ARHGAP20: variants seen among roughly 807,000 people sequenced by gnomAD.
ARHGAP20 encodes the protein Rho GTPase activating protein 20.
In ARHGAP20, 34 loss-of-function variants were observed where a neutral mutation model predicts 73.7. The observed-to-expected ratio is 0.46, with a 90% CI of 0.35 to 0.61. ARHGAP20 has a LOEUF of 0.61. Among genes scored for constraint, ARHGAP20 ranks in the 20% least tolerant of loss-of-function variants. The pLI is 0.00. For synonymous variants in ARHGAP20, 523 were observed against 518.2 expected (o/e 1.01, Z -0.13); for missense variants, 1,314 against 1,420.9 (o/e 0.92, Z 1.21).
chr11:110,645,085 C>G (rs1949159885), intron 2 of ARHGAP20, among the ~76,000 whole-genome samples: 1 of 152,068 alleles, frequency 6.6e-6, no homozygotes. Flanking sequence ...TCATGGCTCA[C>G]TGCAACCTCT....
chr11:110,703,590 A>G (rs1466529553), intron 1 of ARHGAP20, among the ~76,000 whole-genome samples: 1 of 151,914 alleles, frequency 6.6e-6, no homozygotes, highest in Non-Finnish European at 1.5e-5. Flanking sequence ...AATGTAACAG[A>G]CAGTAAACTT....
intron 1 of ARHGAP20, among the ~76,000 whole-genome samples, chr11:110,700,678 T>C (rs6589160): frequency 0.28 from 41,683 of 151,050 alleles, 6,124 homozygotes; most frequent in African/African-American, 0.38. Flanking sequence ...CATGCTGGTA[T>C]GCTGCACCCA....
At chr11:110,634,844 G>A (rs550051668) in intron 2 of ARHGAP20, among the ~76,000 whole-genome samples, 7 of 152,212 alleles carry the variant, frequency 4.6e-5, no homozygotes, top group African/African-American at 1.4e-4. Flanking sequence ...GTTTATAAAT[G>A]TGTAGTTAAG....
chr11:110,602,332 T>C (rs1332412899), intron 9 of ARHGAP20, among the ~76,000 whole-genome samples: 3 of 152,204 alleles, frequency 2.0e-5, no homozygotes, highest in Admixed American at 6.5e-5. Context: ...ATGGAACTAA[T>C]GGCAAAGTAT....
Position 110,692,593 on chromosome 11 carries a change from C to T in ARHGAP20, c.106-1964G>A, listed in dbSNP as rs1291208557. Among the ~76,000 whole-genome samples the T allele has an allele frequency of 5.3e-5, 8 of 152,146 alleles. No individual in the cohort carries two copies. In the East Asian group the frequency reaches 1.5e-3, roughly 29 times the overall value. Reference sequence around the variant, plus strand: ...GCAGATCCAAGATTCTAAACTAGATCTTCATTAGTACATAGTTTCTAATTC... The same window carrying T: ...GCAGATCCAAGATTCTAAACTAGATTTTCATTAGTACATAGTTTCTAATTC... On this transcript the variant is annotated intron_variant, in intron 1 of 14. Transcript: ENST00000683387.
chr11:110,691,083 C>A, intron 1 of ARHGAP20: 1 of 1,183,362 alleles, frequency 8.5e-7, no homozygotes. Context: ...ACAGTTAAAG[C>A]AAAAGCACAG....
At chr11:110,711,712 G>C (rs901606053) in intron 1 of ARHGAP20, 1 of 1,417,382 alleles carries the variant, frequency 7.1e-7, no homozygotes, top group African/African-American at 1.5e-5. Context: ...CTGACTTTGG[G>C]GCTGACACCG....
At position 110,580,897 on chromosome 11, in the gene ARHGAP20, G is replaced by A. The variant is rs1297118669; in HGVS notation, c.2049C>T (p.Pro683=). 1.9e-6 allele frequency: 3 copies of A among 1,612,958 alleles called. No individual in the cohort carries two copies. The highest frequency in any genetic ancestry group is 1.7e-6 in the Non-Finnish European group (2 of 1,178,964). ...TTGCTGCAGCTGTGGACAGGTAGCTGGGTGTGCACATGGCAGATGGGGCCC... is the reference window on the plus strand; with the variant it reads ...TTGCTGCAGCTGTGGACAGGTAGCTAGGTGTGCACATGGCAGATGGGGCCC... ...HARAPSAMCT[P]SYLSTAAANA... Residue 683 remains proline, a synonymous_variant, in exon 15 of 15, where the codon CCC becomes CCT. Coordinates refer to ENST00000683387, the MANE Select transcript of ARHGAP20 (RefSeq NM_001384657.1).
chr11:110,712,034 G>A, intron 1 of ARHGAP20, 93 bp downstream of exon 1: 2 of 1,245,368 alleles, frequency 1.6e-6, no homozygotes, highest in African/African-American at 1.6e-5. Context: ...CGCGGCGTCC[G>A]CCTAGCGCGC....
chr11:110,690,476 C>T, intron 2 of ARHGAP20, 71 bp downstream of exon 2: 1 of 1,412,164 alleles, frequency 7.1e-7, no homozygotes, highest in Non-Finnish European at 1.0e-6. Flanking sequence ...AATATGTGAT[C>T]TGAAAAACTC....
intron 2 of ARHGAP20, among the ~76,000 whole-genome samples, chr11:110,690,010 C>A (rs1950211600): frequency 1.3e-5 from 2 of 151,322 alleles, no homozygotes; most frequent in South Asian, 4.2e-4. Flanking sequence ...TAGCAATTAG[C>A]CTCCATTGGT....
At chr11:110,706,571 C>G (rs914070743) in intron 1 of ARHGAP20, among the ~76,000 whole-genome samples, 2 of 152,038 alleles carry the variant, frequency 1.3e-5, no homozygotes, top group African/African-American at 4.8e-5. Flanking sequence ...TTTTTAAACT[C>G]AAACTCCTTT....
chr11:110,618,530 GTGAATCAGAGTATA>G (rs1948536715), intron 4 of ARHGAP20, among the ~76,000 whole-genome samples: 1 of 152,116 alleles, frequency 6.6e-6, no homozygotes, highest in Non-Finnish European at 1.5e-5. Context: ...TATTTTTCTG[GTGAATCAGAGTATA>G]TGTAGTGATA....
At chr11:110,602,760 T>C (rs1215263017) in intron 9 of ARHGAP20, among the ~76,000 whole-genome samples, 2 of 152,220 alleles carry the variant, frequency 1.3e-5, no homozygotes. Flanking sequence ...GTGACTTTCC[T>C]TGGTTCTTGA....
At chr11:110,687,142 A>G (rs1171446660) in intron 2 of ARHGAP20, among the ~76,000 whole-genome samples, 3 of 146,804 alleles carry the variant, frequency 2.0e-5, no homozygotes, top group Non-Finnish European at 4.5e-5. Flanking sequence ...CAGTGGCACA[A>G]TCATAGCTCA....
intron 2 of ARHGAP20, among the ~76,000 whole-genome samples, chr11:110,648,306 A>G (rs1949270180): frequency 7.2e-6 from 1 of 139,096 alleles, no homozygotes; most frequent in African/African-American, 2.8e-5. Flanking sequence ...TCAAAGACAT[A>G]TGTGTATATG....
chr11:110,660,069 A>AAAAAAC (rs775570615), intron 2 of ARHGAP20, among the ~76,000 whole-genome samples: 5 of 146,932 alleles, frequency 3.4e-5, no homozygotes, highest in African/African-American at 1.3e-4. Context: ...AACAAAAAAA[A>AAAAAAC]AAAAAAAAAG....
Position 110,579,215 on chromosome 11 carries a change from C to T in ARHGAP20, c.*155G>A. Reference sequence around the variant, plus strand: ...TAGCATAAAGTATTTGTCAAGTAGTCTCAATAAAGAGAATTATTTCGTTGT... The same window carrying T: ...TAGCATAAAGTATTTGTCAAGTAGTTTCAATAAAGAGAATTATTTCGTTGT... On this transcript the variant is annotated 3_prime_UTR_variant, in exon 15 of 15. Coordinates refer to ENST00000683387, the MANE Select transcript of ARHGAP20 (RefSeq NM_001384657.1). 1.5e-6 allele frequency: 2 copies of T among 1,334,600 alleles called. No individual in the cohort carries two copies. Among genetic ancestry groups the T allele is most frequent in the East Asian group, 2.6e-5 (1 of 38,838 alleles). 82.7% of individuals were successfully genotyped at this position (1,334,600 alleles called of 1,614,324 possible).
At chr11:110,658,704 A>AG (rs765288507) in intron 2 of ARHGAP20, among the ~76,000 whole-genome samples, 2 of 152,150 alleles carry the variant, frequency 1.3e-5, no homozygotes, top group Non-Finnish European at 2.9e-5. Flanking sequence ...TTGTTAGGCA[A>AG]GGACTTCATT....
Sources: gnomAD v4.1 joint callset for allele counts (sites outside exome capture counted in the v4.1 genomes callset) on GRCh38, gnomAD v4.1.1 for gene constraint, MANE v1.5 for transcripts, NCBI Gene and HGNC (gene_info 2026-07-23, HGNC 2026-07-21) for gene names.